The following PTPRT variants were observed in gnomAD, a reference collection of about 807,000 sequenced individuals.
PTPRT encodes protein tyrosine phosphatase receptor type T.
A neutral mutation model predicts 176.8 loss-of-function variants in PTPRT; 56 were observed. That is an observed-to-expected ratio of 0.32 (90% CI 0.26 to 0.40). The LOEUF is 0.40. Among genes scored for constraint, PTPRT ranks in the 10% least tolerant of loss-of-function variants. The pLI is 1.00. For synonymous variants in PTPRT, 783 were observed against 739.0 expected, an observed-to-expected ratio of 1.06 and a Z score of -0.96; for missense variants, 1,540 against 1,908.2, an observed-to-expected ratio of 0.81 and a Z score of 3.60.
intron 2 of PTPRT, among the ~76,000 whole-genome samples, chr20:42,841,575 G>A (rs549753858): frequency 7.3e-5 from 11 of 151,184 alleles, no homozygotes; most frequent in Non-Finnish European, 1.0e-4. Context: ...AACAGTTTGC[G>A]TCAGGTTTGA....
chr20:42,518,892 T>G (rs1362638207), intron 7 of PTPRT, among the ~76,000 whole-genome samples: 2 of 152,140 alleles, frequency 1.3e-5, no homozygotes, highest in Admixed American at 6.6e-5. Flanking sequence ...TGTACAGTAT[T>G]TTATTTATTT....
chr20:43,103,122 A>G (rs985523643), intron 1 of PTPRT, among the ~76,000 whole-genome samples: 16 of 151,834 alleles, frequency 1.1e-4, no homozygotes, highest in South Asian at 4.2e-4. Context: ...CACACCCCAA[A>G]AACCCATGCA....
Position 42,363,270 on chromosome 20 carries a change from T to TTTTATATATA in PTPRT, c.1561-10986_1561-10985insTATATATAAA, listed in dbSNP as rs1312740759. On this transcript the variant is annotated intron_variant, in intron 9 of 30. Transcript: ENST00000373187. Reference sequence around the variant, plus strand: ...ACATTCTTGCAGCAATTTATTACAATTATATATATATATATATATATATAT... The same window carrying TTTTATATATA: ...ACATTCTTGCAGCAATTTATTACAATTTTATATATATATATATATATATATATATATATAT... Among the ~76,000 whole-genome samples, 82 of 30,378 alleles carry TTTTATATATA rather than the reference T, an allele frequency of 2.7e-3. 3 individuals carry two copies. Among genetic ancestry groups the TTTTATATATA allele is most frequent in the Non-Finnish European group, 3.7e-3 (64 of 17,458 alleles). 19.9% of individuals were successfully genotyped at this position (30,378 alleles called of 152,430 possible).
intron 7 of PTPRT, among the ~76,000 whole-genome samples, chr20:42,582,769 A>G (rs553570779): frequency 1.7e-4 from 26 of 152,222 alleles, no homozygotes; most frequent in Admixed American, 1.4e-3. Flanking sequence ...CGCCCAAAAA[A>G]CTGGACCTAT....
rs572406746 is a variant in PTPRT, at chr20:43,109,531, A to G, written c.88+80115T>C. Among the ~76,000 whole-genome samples, 65 of 152,272 alleles carry G rather than the reference A, an allele frequency of 4.3e-4. No individual in the cohort carries two copies. The South Asian group carries it at 6.7e-3, about 16-fold the overall frequency. On this transcript the variant is annotated intron_variant, in intron 1 of 30. Transcript: ENST00000373187. The stretch of plus-strand genomic sequence containing the variant: ...AGTATACATTTTTTTCATTTTTTAC[A>G]TCTAATATTTATTTAGCTACTCTTG...
At position 42,234,147 on chromosome 20, in the gene PTPRT, C is replaced by A. The variant is rs1302014980; in HGVS notation, c.2342+2082G>T. On this transcript the variant is annotated intron_variant, in intron 15 of 30. Transcript: ENST00000373187. ...GGAAGAAGAGAGGGGCTCCCAGGGA[C>A]TACTATTCCTGCCATGAACCCTGTG... is the stretch of plus-strand genomic sequence containing the variant. Among the ~76,000 whole-genome samples, 3 of 152,084 alleles carry A rather than the reference C, an allele frequency of 2.0e-5. No homozygotes were observed. In the East Asian group the frequency reaches 5.8e-4, roughly 29 times the overall value.
chr20:43,025,862 C>G (rs1208930668), intron 1 of PTPRT, among the ~76,000 whole-genome samples: 1 of 152,154 alleles, frequency 6.6e-6, no homozygotes, highest in Non-Finnish European at 1.5e-5. Flanking sequence ...TCAGACTTGT[C>G]ACCTCTCTGG....
Position 42,422,646 on chromosome 20 carries a change from T to C in PTPRT, c.1560+25574A>G, listed in dbSNP as rs183032191. Among the ~76,000 whole-genome samples, 8 of 152,362 alleles carry C rather than the reference T, an allele frequency of 5.3e-5. No individual in the cohort carries two copies. The East Asian group carries it at 1.5e-3, about 29-fold the overall frequency. Reference sequence around the variant, plus strand: ...ATTGTGGAAGGCAGTGTGGTGATTCTTCAAAGACCTAAAGACAGAAATACC... The same window carrying C: ...ATTGTGGAAGGCAGTGTGGTGATTCCTCAAAGACCTAAAGACAGAAATACC... On this transcript the variant is annotated intron_variant, in intron 9 of 30. Coordinates refer to ENST00000373187, the MANE Select transcript of PTPRT (RefSeq NM_007050.6).
At chr20:42,668,597 AG>A (rs371205540) in intron 7 of PTPRT, among the ~76,000 whole-genome samples, 192 of 152,246 alleles carry the variant, frequency 1.3e-3, no homozygotes, top group African/African-American at 4.5e-3. Flanking sequence ...TGGTGCCAAC[AG>A]TAGACATCGT....
intron 15 of PTPRT, among the ~76,000 whole-genome samples, chr20:42,203,954 T>C (rs1254094300): frequency 1.3e-5 from 2 of 152,174 alleles, no homozygotes; most frequent in Non-Finnish European, 2.9e-5. Context: ...CTTTTGACTC[T>C]TTGCACCTAC....
chr20:42,083,004 T>C (rs974871954), intron 29 of PTPRT, among the ~76,000 whole-genome samples: 5 of 150,856 alleles, frequency 3.3e-5, no homozygotes, highest in Non-Finnish European at 7.4e-5. Context: ...ATGGTGTCTG[T>C]GGCCCTCAAG....
intron 1 of PTPRT, among the ~76,000 whole-genome samples, chr20:42,979,107 A>G (rs111746397): frequency 6.6e-6 from 1 of 152,298 alleles, no homozygotes; most frequent in Non-Finnish European, 1.5e-5. Context: ...ATCGAGAAAA[A>G]ATGGTACCTT....
At chr20:42,718,012 T>C (rs1240902307) in intron 6 of PTPRT, among the ~76,000 whole-genome samples, 3 of 152,224 alleles carry the variant, frequency 2.0e-5, no homozygotes, top group Non-Finnish European at 4.4e-5. Flanking sequence ...ACAACACCAA[T>C]ATGCAATCTG....
intron 20 of PTPRT, 43 bp from the exon 21 acceptor site, chr20:42,118,543 A>C (rs769469272): frequency 2.0e-6 from 3 of 1,535,288 alleles, no homozygotes; most frequent in Admixed American, 3.6e-5. Context: ...TGCAAGTGCA[A>C]AGCAGCAGCT....
chr20:42,413,641 T>C (rs570412342), intron 9 of PTPRT, among the ~76,000 whole-genome samples: 2 of 152,322 alleles, frequency 1.3e-5, no homozygotes, highest in East Asian at 1.9e-4. Flanking sequence ...TGTGCATTCA[T>C]GCATTACCAC....
At chr20:42,942,715 C>A (rs1432008819) in intron 1 of PTPRT, among the ~76,000 whole-genome samples, 1 of 152,160 alleles carries the variant, frequency 6.6e-6, no homozygotes, top group Non-Finnish European at 1.5e-5. Context: ...GCTAAATGAC[C>A]TTTAGCAAGC....
intron 18 of PTPRT, among the ~76,000 whole-genome samples, chr20:42,136,948 A>G (rs1002052421): frequency 3.9e-5 from 6 of 152,158 alleles, no homozygotes; most frequent in African/African-American, 1.4e-4. Flanking sequence ...GAGCTGGGGT[A>G]TGTATATACC....
rs374972906 is a variant in PTPRT, at chr20:42,214,286, A to C, written c.2343-14898T>G. ...CAGCTGTCTCCCTTTCTCCCCAGGC[A>C]AACACACACTCACACATATGCACAT... On this transcript the variant is annotated intron_variant, in intron 15 of 30. Coordinates refer to ENST00000373187, the MANE Select transcript of PTPRT (RefSeq NM_007050.6). Among the ~76,000 whole-genome samples the C allele has an allele frequency of 3.3e-5, 5 of 152,166 alleles. No homozygotes were observed. The South Asian group carries it at 8.3e-4, about 25-fold the overall frequency.
intron 11 of PTPRT, among the ~76,000 whole-genome samples, chr20:42,325,165 G>A (rs1311306508): frequency 6.6e-6 from 1 of 152,054 alleles, no homozygotes; most frequent in Non-Finnish European, 1.5e-5. Context: ...GAAGGATTCT[G>A]GGAAGGAAGG....
Sources: gnomAD v4.1 joint callset for allele counts (sites outside exome capture counted in the v4.1 genomes callset) on GRCh38, gnomAD v4.1.1 for gene constraint, MANE v1.5 for transcripts, NCBI Gene and HGNC (gene_info 2026-07-23, HGNC 2026-07-21) for gene names.